The following INTS9 variants were observed in gnomAD, a reference collection of about 807,000 sequenced individuals.
The protein encoded by INTS9 is integrator complex subunit 9, also known as protein related to CPSF subunits of 74 kDa.
A neutral mutation model predicts 79.7 loss-of-function variants in INTS9; 55 were observed. The ratio of observed to expected loss-of-function variants is 0.69; its 90% CI spans 0.56 to 0.86. The LOEUF is 0.86. INTS9 is among the 40% of genes least tolerant of loss of function. The pLI, the probability that INTS9 is intolerant of heterozygous loss-of-function variation, is 0.00. For missense variants in INTS9, 721 were observed against 831.5 expected (o/e 0.87, Z 1.64); for synonymous variants, 319 against 325.2 (o/e 0.98, Z 0.20).
chr8:28,848,044 G>A (rs1807626155), intron 3 of INTS9, among the ~76,000 whole-genome samples: 1 of 152,228 alleles, frequency 6.6e-6, no homozygotes, highest in African/African-American at 2.4e-5. Context: ...AGAGATATGG[G>A]TGGGCTACCA....
At chr8:28,800,758 G>A (rs1804470140) in intron 8 of INTS9, among the ~76,000 whole-genome samples, 1 of 152,178 alleles carries the variant, frequency 6.6e-6, no homozygotes, top group Admixed American at 6.6e-5. Flanking sequence ...CTATAGCCTA[G>A]TTAACTCTGT....
chr8:28,885,995 C>A (rs1810156794), intron 1 of INTS9, among the ~76,000 whole-genome samples: 1 of 152,012 alleles, frequency 6.6e-6, no homozygotes, highest in Non-Finnish European at 1.5e-5. Context: ...GAGTTGGTAT[C>A]TAAGAAGGAG....
chr8:28,817,480 T>C (rs1805560570), intron 6 of INTS9, among the ~76,000 whole-genome samples: 1 of 152,222 alleles, frequency 6.6e-6, no homozygotes, highest in African/African-American at 2.4e-5. Context: ...TGTGGCGTTA[T>C]TTCTGAGGGC....
intron 1 of INTS9, among the ~76,000 whole-genome samples, chr8:28,887,690 A>G (rs1810242230): frequency 6.6e-6 from 1 of 152,352 alleles, no homozygotes; most frequent in Non-Finnish European, 1.5e-5. Context: ...CTGAGCAACA[A>G]TGCTTTTGGT....
At chr8:28,847,557 G>C (rs773260833) in intron 3 of INTS9, among the ~76,000 whole-genome samples, 1 of 151,630 alleles carries the variant, frequency 6.6e-6, no homozygotes, top group Non-Finnish European at 1.5e-5. Flanking sequence ...ATGTTTTTCC[G>C]TGCAGAACAT....
intron 2 of INTS9, among the ~76,000 whole-genome samples, chr8:28,851,313 T>C (rs1053585905): frequency 6.6e-6 from 1 of 152,074 alleles, no homozygotes; most frequent in African/African-American, 2.4e-5. Flanking sequence ...CACAAAAGCA[T>C]AAATATGTGA....
chr8:28,871,091 CTT>C (rs1809066015), intron 1 of INTS9, among the ~76,000 whole-genome samples: 1 of 152,146 alleles, frequency 6.6e-6, no homozygotes. Flanking sequence ...TGAGAAAAGG[CTT>C]TTCAATGGAA....
rs542967599 is a variant in INTS9 at position 28,803,157 on chromosome 8, G to A, written c.745-6502C>T. Among the ~76,000 whole-genome samples the A allele has an allele frequency of 2.6e-5, 4 of 152,038 alleles. No individual in the cohort carries two copies. The East Asian group carries it at 5.8e-4, about 22-fold the overall frequency. Reference sequence around the variant, plus strand: ...GTAAATAATAAAACCAAGCCCTAACGTCTAGGTATATGTAGCTTTTGCTAT... The same window carrying A: ...GTAAATAATAAAACCAAGCCCTAACATCTAGGTATATGTAGCTTTTGCTAT... On this transcript the variant is annotated intron_variant, in intron 8 of 16. Coordinates refer to ENST00000521022, the MANE Select transcript of INTS9 (RefSeq NM_018250.4).
Position 28,796,622 on chromosome 8 carries a change from C to T in INTS9, c.778G>A (p.Val260Ile). 3 of 1,613,964 alleles carry T rather than the reference C, an allele frequency of 1.9e-6. No individual in the cohort carries two copies. Among genetic ancestry groups the T allele is most frequent in the Non-Finnish European group, 2.5e-6 (3 of 1,179,856 alleles). The change falls in exon 9 of 17, where the codon GTT becomes ATT. Residue 260 changes from valine (V) to isoleucine (I), a missense_variant. Physicochemically the swap from Val to Ile is conservative, Grantham distance 29 (BLOSUM62 3). This residue lies in a region of INTS9 where 149 missense variants were observed against 223.7 expected (regional missense o/e 0.67). Transcript: ENST00000521022. The part of the protein sequence containing the change: ...MDQASLKNSD[V>I]LVLTGLTQIP... The stretch of plus-strand genomic sequence containing the variant: ...TGGGTAAGCCCTGTCAGAACAAGAA[C>T]ATCGCTGTTTTTGAGAGAAGCTTGG...
At chr8:28,883,668 G>A (rs953437216) in intron 1 of INTS9, among the ~76,000 whole-genome samples, 1 of 152,220 alleles carries the variant, frequency 6.6e-6, no homozygotes, top group Non-Finnish European at 1.5e-5. Context: ...GACATTCAAT[G>A]TAATACTGCT....
chr8:28,810,650 T>C (rs1341300147), intron 8 of INTS9, among the ~76,000 whole-genome samples: 1 of 152,042 alleles, frequency 6.6e-6, no homozygotes, highest in East Asian at 1.9e-4. Flanking sequence ...ACAAATGTAA[T>C]ATGGACTTCC....
chr8:28,785,816 G>T (rs760611149), intron 11 of INTS9, among the ~76,000 whole-genome samples: 1 of 152,162 alleles, frequency 6.6e-6, no homozygotes, highest in Non-Finnish European at 1.5e-5. Context: ...TACATATATT[G>T]AAAATAGGAG....
At position 28,889,888 on chromosome 8, in the gene INTS9, AC is replaced by A; in HGVS notation, c.-7del. 1 of 1,613,606 alleles carries A rather than the reference AC, an allele frequency of 6.2e-7. No individual in the cohort carries two copies. Among genetic ancestry groups the A allele is most frequent in the Non-Finnish European group, 8.5e-7 (1 of 1,179,656 alleles). ...CGAAGACTCACCAGTTTCATAATGG[AC>A]TTTTGGTGGTTCAATAGCAGTCACT... On this transcript the variant is annotated 5_prime_UTR_variant, in exon 1 of 17. Transcript: ENST00000521022.
At chr8:28,792,195 GA>G (rs1803954015) in intron 10 of INTS9, among the ~76,000 whole-genome samples, 1 of 152,090 alleles carries the variant, frequency 6.6e-6, no homozygotes, top group African/African-American at 2.4e-5. Flanking sequence ...CAAATCAGCT[GA>G]AAAAGTTAAC....
chr8:28,792,739 C>T (rs1803986391), intron 10 of INTS9, among the ~76,000 whole-genome samples: 1 of 152,060 alleles, frequency 6.6e-6, no homozygotes, highest in African/African-American at 2.4e-5. Context: ...ATGGTGAAAC[C>T]CTGTCTCTAC....
chr8:28,824,810 G>C (rs1393580820), intron 6 of INTS9, among the ~76,000 whole-genome samples: 1 of 152,210 alleles, frequency 6.6e-6, no homozygotes, highest in East Asian at 1.9e-4. Context: ...GTTTACATCT[G>C]GGAGTTAGCT....
At chr8:28,792,720 C>T (rs1280922566) in intron 10 of INTS9, among the ~76,000 whole-genome samples, 1 of 152,194 alleles carries the variant, frequency 6.6e-6, no homozygotes, top group East Asian at 1.9e-4. Context: ...TCGAGACCAG[C>T]TGACCAGCAT....
At chr8:28,854,911 C>T (rs1321527667) in intron 2 of INTS9, among the ~76,000 whole-genome samples, 2 of 152,206 alleles carry the variant, frequency 1.3e-5, no homozygotes, top group Non-Finnish European at 2.9e-5. Flanking sequence ...TGTGTTGATT[C>T]ACCAAGAATA....
At chr8:28,849,113 G>C (rs1807687883) in intron 3 of INTS9, among the ~76,000 whole-genome samples, 1 of 152,180 alleles carries the variant, frequency 6.6e-6, no homozygotes, top group Admixed American at 6.5e-5. Context: ...TATTACAAGA[G>C]AAAATGCCTT....
Sources: allele counts gnomAD v4.1 joint callset (sites outside exome capture counted in the v4.1 genomes callset), GRCh38; gene constraint gnomAD v4.1.1; regional missense constraint gnomAD v4.1.1; transcripts MANE v1.5; gene names NCBI Gene and HGNC (gene_info 2026-07-23, HGNC 2026-07-21).